MAF: variants seen among roughly 807,000 people sequenced by gnomAD.
MAF encodes MAF bZIP transcription factor, also known as transcription factor Maf.
Under a neutral mutation model 22.0 loss-of-function variants are expected in MAF, and 10 were observed. The ratio of observed to expected loss-of-function variants is 0.45; its 90% CI spans 0.28 to 0.77. The LOEUF (loss-of-function observed/expected upper bound fraction) is 0.77. Among genes scored for constraint, MAF ranks in the 30% least tolerant of loss-of-function variants. The pLI is 0.12. For missense variants in MAF, 544 were observed against 548.4 expected, an observed-to-expected ratio of 0.99 and a Z score of 0.08; for synonymous variants, 337 against 255.8, an observed-to-expected ratio of 1.32 and a Z score of -3.03.
At chr16:79,547,357 A>G in the MAF span, among the ~76,000 whole-genome samples, 1 of 151,950 alleles carries the variant, frequency 6.6e-6, no homozygotes, top group Non-Finnish European at 1.5e-5. Flanking sequence ...AGACACCTCC[A>G]TGTATCTACA....
At chr16:79,567,773 G>A in the MAF span, among the ~76,000 whole-genome samples, 1 of 152,188 alleles carries the variant, frequency 6.6e-6, no homozygotes, top group East Asian at 1.9e-4. Flanking sequence ...GCTTTCCTAT[G>A]TCTAGGGAGA....
At chr16:79,415,227 G>A in the MAF span, among the ~76,000 whole-genome samples, 1 of 146,946 alleles carries the variant, frequency 6.8e-6, no homozygotes, top group Non-Finnish European at 1.5e-5. Context: ...GCTGGGCACA[G>A]GATACAAGTC....
the MAF span, among the ~76,000 whole-genome samples, chr16:79,283,579 G>C: frequency 6.6e-6 from 1 of 152,118 alleles, no homozygotes; most frequent in Non-Finnish European, 1.5e-5. Context: ...CGATTAAAAA[G>C]ATCTCTTAAA....
chr16:79,326,705 G>A, the MAF span, among the ~76,000 whole-genome samples: 1 of 152,220 alleles, frequency 6.6e-6, no homozygotes, highest in Non-Finnish European at 1.5e-5. Context: ...GTATGTAAAT[G>A]CAGGAGCATG....
In MAF at chr16:79,598,748, A is replaced by T. The variant is rs12933870; in HGVS notation, c.1118+37T>A. The T allele has an allele frequency of 3.7e-6, 6 of 1,613,478 alleles. No homozygotes were observed. In the South Asian group the frequency reaches 6.6e-5, roughly 18 times the overall value. Reference sequence around the variant, plus strand: ...CGAGCCGGACCCCCGCGGAGCACTTATCAGGGTGGCTAGCTGGAATCGCGT... The same window carrying T: ...CGAGCCGGACCCCCGCGGAGCACTTTTCAGGGTGGCTAGCTGGAATCGCGT... On this transcript the variant is annotated intron_variant, in intron 1 of 1. Transcript: ENST00000326043.
chr16:79,493,126 C>A, the MAF span, among the ~76,000 whole-genome samples: 1 of 42,740 alleles, frequency 2.3e-5, no homozygotes, highest in African/African-American at 5.4e-5. Context: ...CTCAGCTAAT[C>A]TTTCTGTTTT....
the MAF span, among the ~76,000 whole-genome samples, chr16:79,555,615 C>G: frequency 7.2e-5 from 11 of 152,260 alleles, no homozygotes; most frequent in Non-Finnish European, 1.6e-4. Context: ...CCAAAATGCT[C>G]CAAAACTGAA....
At chr16:79,209,453 A>C in the MAF span, among the ~76,000 whole-genome samples, 2 of 152,304 alleles carry the variant, frequency 1.3e-5, no homozygotes, top group South Asian at 4.1e-4. Flanking sequence ...TTGGCAGAAC[A>C]GTGAAAGGCC....
the MAF span, among the ~76,000 whole-genome samples, chr16:79,319,206 A>C: frequency 6.6e-6 from 1 of 152,116 alleles, no homozygotes; most frequent in Non-Finnish European, 1.5e-5. Flanking sequence ...GTCCCCTTCT[A>C]ATTCTTCTAT....
chr16:79,235,009 A>T, the MAF span, among the ~76,000 whole-genome samples: 1 of 152,126 alleles, frequency 6.6e-6, no homozygotes, highest in East Asian at 1.9e-4. Context: ...GTAGCCACGG[A>T]CTTAATTCAT....
At chr16:79,392,894 C>A in the MAF span, among the ~76,000 whole-genome samples, 1 of 152,214 alleles carries the variant, frequency 6.6e-6, no homozygotes, top group South Asian at 2.1e-4. Flanking sequence ...TTGGGGGTTT[C>A]TCTGCTTCCC....
chr16:79,373,600 C>A, the MAF span, among the ~76,000 whole-genome samples: 2 of 151,940 alleles, frequency 1.3e-5, no homozygotes, highest in South Asian at 4.2e-4. Context: ...CTAGGCTGGT[C>A]TCAAACTCTT....
the MAF span, among the ~76,000 whole-genome samples, chr16:79,538,299 C>T: frequency 6.6e-6 from 1 of 152,152 alleles, no homozygotes; most frequent in African/African-American, 2.4e-5. Context: ...GATGCATATA[C>T]AAACCATTAG....
chr16:79,513,993 T>G, the MAF span, among the ~76,000 whole-genome samples: 1 of 152,120 alleles, frequency 6.6e-6, no homozygotes, highest in Non-Finnish European at 1.5e-5. Flanking sequence ...CCCCCACCCT[T>G]CCCCTCACCA....
chr16:79,500,594 G>C, the MAF span, among the ~76,000 whole-genome samples: 626 of 152,246 alleles, frequency 4.1e-3, 8 homozygotes, highest in African/African-American at 0.015. Flanking sequence ...CCCACCCAGA[G>C]GCTGGGTGGC....
the MAF span, among the ~76,000 whole-genome samples, chr16:79,349,625 G>A: frequency 6.6e-6 from 1 of 152,216 alleles, no homozygotes; most frequent in Non-Finnish European, 1.5e-5. Context: ...GATAGCTGCT[G>A]TCTGTGCAGG....
At chr16:79,221,168 G>A in the MAF span, among the ~76,000 whole-genome samples, 2 of 152,194 alleles carry the variant, frequency 1.3e-5, no homozygotes, top group African/African-American at 2.4e-5. Flanking sequence ...TTCTTTGCCT[G>A]GTTTGCTAAG....
At chr16:79,322,985 C>G in the MAF span, among the ~76,000 whole-genome samples, 5,057 of 151,142 alleles carry the variant, frequency 0.033, 302 homozygotes, top group African/African-American at 0.12. Context: ...CCCATCTCTA[C>G]TAAAAATACA....
At chr16:79,258,428 A>G in the MAF span, among the ~76,000 whole-genome samples, 1 of 152,230 alleles carries the variant, frequency 6.6e-6, no homozygotes, top group African/African-American at 2.4e-5. Flanking sequence ...GAGCTGCATC[A>G]GCACTGTTCC....
Sources: gnomAD v4.1 joint callset for allele counts (sites outside exome capture counted in the v4.1 genomes callset) on GRCh38, gnomAD v4.1.1 for gene constraint, MANE v1.5 for transcripts, NCBI Gene and HGNC (gene_info 2026-07-23, HGNC 2026-07-21) for gene names.